Variants in TMEM135 observed in about 807,000 individuals in gnomAD.
TMEM135 encodes the protein peroxisomal membrane protein 52.
A neutral mutation model predicts 60.3 loss-of-function variants in TMEM135; 30 were observed. The ratio of observed to expected loss-of-function variants is 0.50; its 90% CI spans 0.37 to 0.68. The LOEUF (loss-of-function observed/expected upper bound fraction) is 0.68, where lower values mean the gene tolerates loss of function less well. Ranked by LOEUF, TMEM135 falls within the 30% of genes least tolerant of loss-of-function variation. The pLI, the probability that TMEM135 is intolerant of heterozygous loss-of-function variation, is 0.00. For synonymous variants in TMEM135, 190 were observed against 186.7 expected (o/e 1.02, Z -0.14); for missense variants, 468 against 548.8 (o/e 0.85, Z 1.47).
At chr11:87,207,817 C>A (rs1940270823) in intron 5 of TMEM135, among the ~76,000 whole-genome samples, 1 of 152,312 alleles carries the variant, frequency 6.6e-6, no homozygotes, top group East Asian at 1.9e-4. Context: ...GCCTCCCCTG[C>A]CATCCCCATG....
intron 4 of TMEM135, among the ~76,000 whole-genome samples, chr11:87,136,152 A>G (rs567085300): frequency 6.6e-6 from 1 of 151,990 alleles, no homozygotes; most frequent in African/African-American, 2.4e-5. Context: ...ATATAGATGA[A>G]CATGTCATCT....
At chr11:87,241,062 G>T (rs1941122521) in intron 6 of TMEM135, among the ~76,000 whole-genome samples, 1 of 152,050 alleles carries the variant, frequency 6.6e-6, no homozygotes, top group East Asian at 1.9e-4. Context: ...TGCCATTTGA[G>T]AATTCTAATC....
chr11:87,178,653 T>C (rs1939442599), intron 5 of TMEM135: 1 of 371,366 alleles, frequency 2.7e-6, no homozygotes. Context: ...CTTGAACTCC[T>C]GACCTCAAGT....
intron 5 of TMEM135, among the ~76,000 whole-genome samples, chr11:87,165,609 G>T (rs1381565978): frequency 6.6e-6 from 1 of 150,512 alleles, no homozygotes; most frequent in Non-Finnish European, 1.5e-5. Context: ...AGTTTCAGAA[G>T]GAATGGTACC....
At position 87,116,694 on chromosome 11, in the gene TMEM135, G is replaced by A. The variant is rs534252542; in HGVS notation, c.396+25299G>A. Among the ~76,000 whole-genome samples the A allele has an allele frequency of 1.4e-4, 21 of 151,914 alleles. No individual in the cohort carries two copies. In the South Asian group the frequency reaches 4.2e-3, roughly 30 times the overall value. On this transcript the variant is annotated intron_variant, in intron 4 of 14. Coordinates refer to ENST00000305494, the MANE Select transcript of TMEM135 (RefSeq NM_022918.4). ...TAGGCATACCTCAAAGATATCATGG[G>A]TTTGGATCTAGACCACTGCAATAAA...
chr11:87,102,760 C>T (rs2135186532), intron 4 of TMEM135, among the ~76,000 whole-genome samples: 1 of 141,168 alleles, frequency 7.1e-6, no homozygotes, highest in East Asian at 2.1e-4. Context: ...ATATATACAG[C>T]ATGAAATGAT....
intron 5 of TMEM135, among the ~76,000 whole-genome samples, chr11:87,159,617 A>ACCCCCCCCC (rs1555112002): frequency 2.7e-5 from 4 of 149,342 alleles, no homozygotes; most frequent in African/African-American, 9.9e-5. Context: ...ACACACACAC[A>ACCCCCCCCC]CCATAGATTT....
chr11:87,302,203 C>A (rs1942459553), intron 7 of TMEM135, 93 bp from the exon 8 acceptor site: 2 of 1,295,232 alleles, frequency 1.5e-6, no homozygotes, highest in Non-Finnish European at 1.1e-6. Context: ...AAAATACTTG[C>A]CAAAGCGTAT....
chr11:87,193,219 C>A (rs144577776), intron 5 of TMEM135, among the ~76,000 whole-genome samples: 2 of 152,134 alleles, frequency 1.3e-5, no homozygotes, highest in East Asian at 3.9e-4. Context: ...CAACAAGGTA[C>A]CTGCTCTTGA....
At chr11:87,233,971 C>T (rs1356636750) in intron 5 of TMEM135, among the ~76,000 whole-genome samples, 1 of 151,988 alleles carries the variant, frequency 6.6e-6, no homozygotes, top group African/African-American at 2.4e-5. Context: ...AAAGTCACAA[C>T]GATAAACTAG....
chr11:87,221,515 C>T (rs558820952), intron 5 of TMEM135, among the ~76,000 whole-genome samples: 9 of 152,102 alleles, frequency 5.9e-5, no homozygotes, highest in Non-Finnish European at 1.3e-4. Context: ...ATGGTTTTGC[C>T]TGTAGACAGA....
At chr11:87,055,198 A>T (rs760240617) in intron 1 of TMEM135, among the ~76,000 whole-genome samples, 4 of 152,228 alleles carry the variant, frequency 2.6e-5, no homozygotes, top group Non-Finnish European at 5.9e-5. Context: ...ATATGAATAT[A>T]TATGAAATGC....
chr11:87,165,715 G>C (rs1433249430), intron 5 of TMEM135, among the ~76,000 whole-genome samples: 2 of 151,538 alleles, frequency 1.3e-5, no homozygotes, highest in South Asian at 4.2e-4. Flanking sequence ...TCAAAAGCTA[G>C]CAGAAGGCAA....
At chr11:87,168,046 A>G (rs1003449561) in intron 5 of TMEM135, among the ~76,000 whole-genome samples, 2 of 152,086 alleles carry the variant, frequency 1.3e-5, no homozygotes, top group African/African-American at 2.4e-5. Flanking sequence ...GGGAGGGTGT[A>G]TGTGTCCAGG....
At chr11:87,270,908 C>T (rs1941850496) in intron 6 of TMEM135, among the ~76,000 whole-genome samples, 1 of 152,050 alleles carries the variant, frequency 6.6e-6, no homozygotes, top group African/African-American at 2.4e-5. Context: ...TCTAGTCAGA[C>T]ATGAGCTGTC....
chr11:87,166,399 T>C (rs1261936571), intron 5 of TMEM135, among the ~76,000 whole-genome samples: 2 of 151,726 alleles, frequency 1.3e-5, no homozygotes, highest in African/African-American at 4.9e-5. Context: ...TCCTGAATGG[T>C]ATTGCTTAGG....
intron 5 of TMEM135, among the ~76,000 whole-genome samples, chr11:87,210,942 A>G (rs1219778654): frequency 1.3e-5 from 2 of 152,206 alleles, no homozygotes; most frequent in Non-Finnish European, 2.9e-5. Context: ...GATAAAATAC[A>G]ATATCACTTC....
At chr11:87,243,306 T>C (rs1941183454) in intron 6 of TMEM135, among the ~76,000 whole-genome samples, 1 of 147,192 alleles carries the variant, frequency 6.8e-6, no homozygotes, top group Non-Finnish European at 1.5e-5. Context: ...AGCTTTGTTC[T>C]TTTGGCTTAG....
rs1940944959 is a variant in TMEM135, at chr11:87,234,139, C to T, written c.463-2499C>T. 2.0e-5 allele frequency among the ~76,000 whole-genome samples: 3 copies of T among 152,056 alleles called. No individual in the cohort carries two copies. In the South Asian group the frequency reaches 6.2e-4, roughly 32 times the overall value. ...GGGCTCTATGCATATGGTCCTCTGG[C>T]TTTTCTCTTATAGTGTCTCTGCTAA... is the stretch of plus-strand genomic sequence containing the variant. On this transcript the variant is annotated intron_variant, in intron 5 of 14. Transcript: ENST00000305494.
Sources: gnomAD v4.1 joint callset for allele counts (sites outside exome capture counted in the v4.1 genomes callset) on GRCh38, gnomAD v4.1.1 for gene constraint, MANE v1.5 for transcripts, NCBI Gene and HGNC (gene_info 2026-07-23, HGNC 2026-07-21) for gene names.